The following PPP2R5A variants were observed in gnomAD, a reference collection of about 807,000 sequenced individuals.
PPP2R5A encodes serine/threonine-protein phosphatase 2A 56 kDa regulatory subunit alpha isoform.
In PPP2R5A, 25 loss-of-function variants were observed where a neutral mutation model predicts 64.2. That is an observed-to-expected ratio of 0.39 (90% CI 0.28 to 0.54). PPP2R5A has a LOEUF of 0.54. Ranked by LOEUF, PPP2R5A falls within the 20% of genes least tolerant of loss-of-function variation. The pLI, the probability that PPP2R5A is intolerant of heterozygous loss-of-function variation, is 0.67. For missense variants in PPP2R5A, 425 were observed against 576.3 expected, an observed-to-expected ratio of 0.74 and a Z score of 2.69; for synonymous variants, 198 against 201.2, an observed-to-expected ratio of 0.98 and a Z score of 0.13.
At chr1:212,309,498 C>T in intron 1 of PPP2R5A, 1 of 776,300 alleles carries the variant, frequency 1.3e-6, no homozygotes, top group Non-Finnish European at 2.3e-6. Flanking sequence ...CAGGAGCTTC[C>T]TTCTTCGCTT....
chr1:212,345,336 T>C (rs755665856), intron 4 of PPP2R5A, among the ~76,000 whole-genome samples: 1 of 152,184 alleles, frequency 6.6e-6, no homozygotes, highest in Admixed American at 6.5e-5. Flanking sequence ...CAAAAAGAAG[T>C]CTTAGTATAT....
chr1:212,339,954 CT>C (rs1659658891), intron 3 of PPP2R5A, among the ~76,000 whole-genome samples: 1 of 136,926 alleles, frequency 7.3e-6, no homozygotes, highest in Non-Finnish European at 1.5e-5. Context: ...TACCATCAAC[CT>C]ATACTCTGCA....
rs369100635 is a variant in PPP2R5A, at chr1:212,308,853, G to A, written c.182-20282G>A. On this transcript the variant is annotated intron_variant, in intron 1 of 12. Coordinates refer to ENST00000261461, the MANE Select transcript of PPP2R5A (RefSeq NM_006243.4). The stretch of plus-strand genomic sequence containing the variant: ...CCAATTCTTTCTAATGCCAGTTCTC[G>A]TCTCCTCATGGGTCCCTTTAGTTTA... Among the ~76,000 whole-genome samples, 25 of 151,792 alleles carry A rather than the reference G, an allele frequency of 1.6e-4. 2 individuals are homozygous for A. The South Asian group carries it at 4.2e-3, about 25-fold the overall frequency.
At chr1:212,301,813 A>G (rs1658803618) in intron 1 of PPP2R5A, 1 of 1,182,712 alleles carries the variant, frequency 8.5e-7, no homozygotes, top group African/African-American at 1.6e-5. Context: ...GCTATGATAC[A>G]GTGCTTGTTC....
At chr1:212,292,315 T>G (rs557014562) in intron 1 of PPP2R5A, among the ~76,000 whole-genome samples, 1 of 152,240 alleles carries the variant, frequency 6.6e-6, no homozygotes, top group African/African-American at 2.4e-5. Context: ...TCAGTTGTTA[T>G]GTTGTGATGC....
intron 5 of PPP2R5A, 45 bp downstream of exon 5, chr1:212,345,978 ATCT>A: frequency 6.7e-7 from 1 of 1,502,370 alleles, no homozygotes; most frequent in Non-Finnish European, 9.0e-7. Context: ...CCTCCTACAT[ATCT>A]TCTTGTATTC....
intron 1 of PPP2R5A, among the ~76,000 whole-genome samples, chr1:212,292,693 A>G (rs1479012192): frequency 6.6e-6 from 1 of 152,144 alleles, no homozygotes; most frequent in Admixed American, 6.5e-5. Context: ...CCAAGTAGCT[A>G]GGACTACAGG....
At chr1:212,319,983 G>A (rs1167250716) in intron 1 of PPP2R5A, among the ~76,000 whole-genome samples, 1 of 146,312 alleles carries the variant, frequency 6.8e-6, no homozygotes, top group Non-Finnish European at 1.5e-5. Context: ...ATCATTCTTG[G>A]GTGTTTCTCG....
chr1:212,298,899 C>A (rs1423492544), intron 1 of PPP2R5A, among the ~76,000 whole-genome samples: 1 of 37,230 alleles, frequency 2.7e-5, no homozygotes. Context: ...ACCTCCCTCC[C>A]GGACTGGGCG....
chr1:212,331,936 AC>A (rs1245359039), intron 2 of PPP2R5A, among the ~76,000 whole-genome samples: 11 of 152,224 alleles, frequency 7.2e-5, no homozygotes, highest in African/African-American at 2.7e-4. Flanking sequence ...GAGTCATCTT[AC>A]CAATTTAGAC....
chr1:212,346,034 C>T (rs1010610853), intron 5 of PPP2R5A, 101 bp downstream of exon 5: 5 of 1,185,164 alleles, frequency 4.2e-6, no homozygotes, highest in Non-Finnish European at 5.7e-6. Context: ...CAGGGTCTCA[C>T]TCTGTCATCC....
In PPP2R5A at chr1:212,360,657, G is replaced by A. The variant is rs755132136; in HGVS notation, c.1348G>A (p.Glu450Lys). ...ERQREKKKEL[E>K]REELWKKLEE... ...CTACAGAGAGAAAAAGAAGGAATTG[G>A]AACGTGAAGAATTATGGAAAAAATT... Residue 450 changes from glutamate (E) to lysine (K), a missense_variant, in exon 13 of 13, where the codon GAA becomes AAA. Transcript: ENST00000261461. The A allele has an allele frequency of 6.4e-7, 1 of 1,572,208 alleles. No homozygotes were observed. Among genetic ancestry groups the A allele is most frequent in the Non-Finnish European group, 8.6e-7 (1 of 1,163,636 alleles).
At chr1:212,301,694 C>T in intron 1 of PPP2R5A, 1 of 364,336 alleles carries the variant, frequency 2.7e-6, no homozygotes, top group Non-Finnish European at 3.8e-6. Context: ...TATTAATGTT[C>T]TAGGGGTATT....
At position 212,361,739 on chromosome 1, in the gene PPP2R5A, TTTG is replaced by T. The variant is rs1166832895; in HGVS notation, c.*972_*974del. ...ACTTGGTCAAGTATTTCTCACATCT[TTTG>T]TTATCAGAGTACCATTCCAATCTCT... On this transcript the variant is annotated 3_prime_UTR_variant, in exon 13 of 13. Coordinates refer to ENST00000261461, the MANE Select transcript of PPP2R5A (RefSeq NM_006243.4). 3 of 152,682 alleles carry T rather than the reference TTTG, an allele frequency of 2.0e-5. No individual in the cohort carries two copies. The highest frequency in any genetic ancestry group is 6.5e-5 in the Admixed American group (1 of 15,280). The allele number at this position is 152,682 out of a possible 1,614,324, so 9.5% of individuals were successfully genotyped here. A position where few individuals can be genotyped will look rare whatever the true frequency, so the allele number is the denominator to read the frequency against.
Position 212,336,519 on chromosome 1 carries a change from A to G in PPP2R5A, c.480+2921A>G, listed in dbSNP as rs144170763. Among the ~76,000 whole-genome samples, 152 of 152,302 alleles carry G rather than the reference A, an allele frequency of 1.0e-3. 1 individual carries two copies. In the Middle Eastern group the frequency reaches 0.014, roughly 14 times the overall value. ...CCTTGATTAAAAGGCTCTGCCTTAG[A>G]TATAGTTAAAAAATCTTTCTGAAAA... is the stretch of plus-strand genomic sequence containing the variant. On this transcript the variant is annotated intron_variant, in intron 3 of 12. Transcript: ENST00000261461.
intron 12 of PPP2R5A, among the ~76,000 whole-genome samples, chr1:212,359,329 T>G (rs1315768821): frequency 6.6e-6 from 1 of 152,194 alleles, no homozygotes; most frequent in East Asian, 1.9e-4. Context: ...GTCAGCATAG[T>G]TCTCCTTTGG....
intron 1 of PPP2R5A, among the ~76,000 whole-genome samples, chr1:212,312,899 A>G (rs1175484092): frequency 1.3e-5 from 2 of 152,242 alleles, no homozygotes; most frequent in African/African-American, 4.8e-5. Context: ...GATTTATGCC[A>G]GGAATGCAAG....
chr1:212,333,839 T>C, intron 3 of PPP2R5A: 1 of 327,156 alleles, frequency 3.1e-6, no homozygotes, highest in Non-Finnish European at 5.5e-6. Flanking sequence ...ACAAAGTACA[T>C]TCGCCATGTT....
At chr1:212,306,571 C>A (rs1658907866) in intron 1 of PPP2R5A, among the ~76,000 whole-genome samples, 1 of 151,812 alleles carries the variant, frequency 6.6e-6, no homozygotes, top group Non-Finnish European at 1.5e-5. Context: ...ACTGGTATAG[C>A]CACTCCAGCT....
Sources: gnomAD v4.1 joint callset for allele counts (sites outside exome capture counted in the v4.1 genomes callset) on GRCh38, gnomAD v4.1.1 for gene constraint, MANE v1.5 for transcripts, NCBI Gene and HGNC (gene_info 2026-07-23, HGNC 2026-07-21) for gene names.